GRM8: variants seen among roughly 807,000 people sequenced by gnomAD.
GRM8 encodes the protein metabotropic glutamate receptor 8.
GRM8 carries 47 observed loss-of-function variants against 87.2 expected under a neutral mutation model. That is an observed-to-expected ratio of 0.54 (90% confidence interval 0.43 to 0.69). The LOEUF is 0.69. Ranked by LOEUF, GRM8 falls within the 30% of genes least tolerant of loss-of-function variation. GRM8 has a pLI of 0.00. For missense variants in GRM8, 1,019 were observed against 1,139.2 expected (o/e 0.89, Z 1.52); for synonymous variants, 396 against 404.5 (o/e 0.98, Z 0.25).
chr7:126,612,043 G>A (rs1798964669), intron 7 of GRM8, among the ~76,000 whole-genome samples: 1 of 152,132 alleles, frequency 6.6e-6, no homozygotes, highest in Admixed American at 6.5e-5. Flanking sequence ...GTGGTGTCTT[G>A]AATGCATTTC....
chr7:126,809,201 T>G (rs939153947), intron 6 of GRM8, among the ~76,000 whole-genome samples: 1 of 152,216 alleles, frequency 6.6e-6, no homozygotes, highest in Admixed American at 6.5e-5. Flanking sequence ...AGGACCACTG[T>G]GATTATATTG....
rs1821270050 is a variant in GRM8 at position 127,067,700 on chromosome 7, TAA to T, written c.727+38794_727+38795del. 3.3e-5 allele frequency among the ~76,000 whole-genome samples: 5 copies of T among 152,308 alleles called. No individual in the cohort carries two copies. The South Asian group carries it at 8.3e-4, about 25-fold the overall frequency. On this transcript the variant is annotated intron_variant, in intron 3 of 10. Coordinates refer to ENST00000339582, the MANE Select transcript of GRM8 (RefSeq NM_000845.3). ...TTATCCTGCATTCAATGCAAGAAAT[TAA>T]AAGTGTCATTAGATAAAACTGACAT...
At chr7:126,951,030 A>G (rs1808082970) in intron 3 of GRM8, among the ~76,000 whole-genome samples, 1 of 152,030 alleles carries the variant, frequency 6.6e-6, no homozygotes, top group Admixed American at 6.6e-5. Context: ...CATAAAGAAG[A>G]TATTGTCATA....
intron 3 of GRM8, among the ~76,000 whole-genome samples, chr7:126,940,887 T>C (rs1586537666): frequency 6.6e-6 from 1 of 152,182 alleles, no homozygotes; most frequent in African/African-American, 2.4e-5. Context: ...GTGTAAGCAA[T>C]GCAGATGACA....
chr7:127,045,623 A>G (rs1328941367), intron 3 of GRM8, among the ~76,000 whole-genome samples: 1 of 151,926 alleles, frequency 6.6e-6, no homozygotes, highest in African/African-American at 2.4e-5. Context: ...TTATATTTTC[A>G]TCAACCACAA....
At chr7:126,563,682 T>C (rs1483840074) in intron 8 of GRM8, among the ~76,000 whole-genome samples, 1 of 152,140 alleles carries the variant, frequency 6.6e-6, no homozygotes, top group African/African-American at 2.4e-5. Flanking sequence ...GCTCTTTCCC[T>C]CAAAAGGACA....
At chr7:127,134,506 T>A (rs1277221087) in intron 2 of GRM8, among the ~76,000 whole-genome samples, 1 of 152,096 alleles carries the variant, frequency 6.6e-6, no homozygotes, top group Non-Finnish European at 1.5e-5. Context: ...GAGAACCAAA[T>A]GGGATTATTT....
intron 7 of GRM8, among the ~76,000 whole-genome samples, chr7:126,687,785 CT>C (rs1808349816): frequency 6.6e-6 from 1 of 151,676 alleles, no homozygotes; most frequent in African/African-American, 2.4e-5. Context: ...TTTAGTCATA[CT>C]TATAGACAGA....
intron 8 of GRM8, among the ~76,000 whole-genome samples, chr7:126,569,627 C>A (rs1345349443): frequency 1.3e-5 from 2 of 152,124 alleles, no homozygotes; most frequent in African/African-American, 4.8e-5. Context: ...AGGAACTGTT[C>A]ATCAGTTTTG....
intron 7 of GRM8, among the ~76,000 whole-genome samples, chr7:126,717,326 T>C (rs1157397369): frequency 2.0e-5 from 3 of 152,086 alleles, no homozygotes; most frequent in Non-Finnish European, 4.4e-5. Context: ...TCGAGGCTTG[T>C]GGGGTGGAGG....
chr7:127,190,894 T>C (rs527476569), intron 2 of GRM8, among the ~76,000 whole-genome samples: 18 of 152,316 alleles, frequency 1.2e-4, no homozygotes, highest in African/African-American at 3.8e-4. Flanking sequence ...TTCTTTCTTC[T>C]ATGGGTATTC....
At chr7:126,668,212 C>A (rs2151298681) in intron 7 of GRM8, among the ~76,000 whole-genome samples, 1 of 152,062 alleles carries the variant, frequency 6.6e-6, no homozygotes, top group East Asian at 1.9e-4. Context: ...CCTTTTCATC[C>A]ATTAAAACCC....
At chr7:126,661,004 G>A (rs181522978) in intron 7 of GRM8, among the ~76,000 whole-genome samples, 1 of 152,254 alleles carries the variant, frequency 6.6e-6, no homozygotes, top group East Asian at 1.9e-4. Flanking sequence ...AGACTGGGAA[G>A]GGTAGTAAGA....
At chr7:126,630,663 A>T (rs931700454) in intron 7 of GRM8, among the ~76,000 whole-genome samples, 1 of 152,166 alleles carries the variant, frequency 6.6e-6, no homozygotes, top group Admixed American at 6.6e-5. Flanking sequence ...CCAGCAGCAC[A>T]CACAAAAGTT....
intron 9 of GRM8, among the ~76,000 whole-genome samples, chr7:126,449,038 TA>T (rs1243682791): frequency 6.6e-6 from 1 of 151,748 alleles, no homozygotes; most frequent in Non-Finnish European, 1.5e-5. Flanking sequence ...GAACTTAAAA[TA>T]AAAGTTAAAG....
intron 6 of GRM8, among the ~76,000 whole-genome samples, chr7:126,789,327 A>T (rs1440592819): frequency 6.6e-6 from 1 of 152,122 alleles, no homozygotes; most frequent in Non-Finnish European, 1.5e-5. Flanking sequence ...AGCTGTAATC[A>T]GTTTATAATT....
chr7:126,605,312 C>T (rs187881906), intron 8 of GRM8, among the ~76,000 whole-genome samples: 22 of 152,252 alleles, frequency 1.4e-4, no homozygotes, highest in African/African-American at 5.1e-4. Context: ...GTAGACAATA[C>T]ATGCCTCATG....
At chr7:126,914,640 C>T (rs1803692310) in intron 3 of GRM8, among the ~76,000 whole-genome samples, 1 of 152,152 alleles carries the variant, frequency 6.6e-6, no homozygotes, top group Non-Finnish European at 1.5e-5. Context: ...CAGCTAGAGG[C>T]CATAATCCTA....
chr7:127,070,415 C>T (rs1586912361), intron 3 of GRM8, among the ~76,000 whole-genome samples: 2 of 152,016 alleles, frequency 1.3e-5, no homozygotes, highest in African/African-American at 4.8e-5. Flanking sequence ...ACACAGGCAT[C>T]AAATGGAAGA....
Sources: allele counts gnomAD v4.1 joint callset (sites outside exome capture counted in the v4.1 genomes callset), GRCh38; gene constraint gnomAD v4.1.1; transcripts MANE v1.5; gene names NCBI Gene and HGNC (gene_info 2026-07-23, HGNC 2026-07-21).